SVEP1: variants seen among roughly 807,000 people sequenced by gnomAD.
SVEP1 encodes the protein sushi, von Willebrand factor type A, EGF and pentraxin domain-containing protein 1.
Under a neutral mutation model 367.3 loss-of-function variants are expected in SVEP1, and 164 were observed. That is an observed-to-expected ratio of 0.45 (90% CI 0.39 to 0.51). The LOEUF (loss-of-function observed/expected upper bound fraction) is 0.51. Ranked by LOEUF, SVEP1 falls within the 20% of genes least tolerant of loss-of-function variation. The pLI is 0.00. For synonymous variants in SVEP1, 1,666 were observed against 1,611.6 expected, an observed-to-expected ratio of 1.03 and a Z score of -0.81; for missense variants, 4,117 against 4,425.3, an observed-to-expected ratio of 0.93 and a Z score of 1.98.
intron 3 of SVEP1, among the ~76,000 whole-genome samples, chr9:110,518,362 C>T (rs925315821): frequency 1.3e-5 from 2 of 150,816 alleles, no homozygotes; most frequent in Admixed American, 6.6e-5. Context: ...ACGGAGGTTG[C>T]AGTGAGCCAT....
intron 11 of SVEP1, 104 bp from the exon 12 acceptor site, chr9:110,481,540 G>A (rs3818766): frequency 0.17 from 127,145 of 739,998 alleles, 12,835 homozygotes; most frequent in East Asian, 0.45. Flanking sequence ...CCTGTCTATC[G>A]CTATTTCTAG....
At chr9:110,575,684 T>C (rs139972629) in intron 1 of SVEP1, among the ~76,000 whole-genome samples, 41 of 152,246 alleles carry the variant, frequency 2.7e-4, no homozygotes, top group African/African-American at 9.1e-4. Flanking sequence ...TGCCATCACC[T>C]TAAACAAAAT....
intron 46 of SVEP1, among the ~76,000 whole-genome samples, chr9:110,373,494 G>A (rs1021633219): frequency 6.6e-6 from 1 of 152,038 alleles, no homozygotes; most frequent in African/African-American, 2.4e-5. Context: ...GACAAGCTCT[G>A]GTGTTAGGAA....
intron 1 of SVEP1, among the ~76,000 whole-genome samples, chr9:110,571,356 G>A (rs1330664236): frequency 6.6e-6 from 1 of 152,076 alleles, no homozygotes; most frequent in Non-Finnish European, 1.5e-5. Context: ...TCCCCAATGA[G>A]ATCTATGTGG....
chr9:110,536,769 C>T (rs773790300), intron 3 of SVEP1, among the ~76,000 whole-genome samples: 7 of 151,862 alleles, frequency 4.6e-5, no homozygotes, highest in Non-Finnish European at 1.0e-4. Flanking sequence ...CATATGTATA[C>T]ATGTGCCATG....
chr9:110,484,283 A>C (rs1325699426), intron 9 of SVEP1, among the ~76,000 whole-genome samples: 1 of 152,158 alleles, frequency 6.6e-6, no homozygotes, highest in Non-Finnish European at 1.5e-5. Context: ...ATTCTAGATG[A>C]AGACAAAGAA....
At chr9:110,439,217 T>A (rs927292815) in intron 27 of SVEP1, among the ~76,000 whole-genome samples, 2 of 151,994 alleles carry the variant, frequency 1.3e-5, no homozygotes, top group Admixed American at 6.6e-5. Flanking sequence ...GACAAATGCC[T>A]GCATAAGAAG....
At chr9:110,489,947 G>A (rs374251833) in intron 8 of SVEP1, among the ~76,000 whole-genome samples, 168 bp from the exon 9 acceptor site, 2 of 152,262 alleles carry the variant, frequency 1.3e-5, no homozygotes, top group South Asian at 4.2e-4. Context: ...CTATTTACAT[G>A]ATTTATAGAA....
intron 1 of SVEP1, among the ~76,000 whole-genome samples, 180 bp downstream of exon 1, chr9:110,578,833 T>C (rs73657608): frequency 2.3e-3 from 344 of 152,194 alleles, no homozygotes; most frequent in African/African-American, 8.0e-3. Context: ...CATTATCCCA[T>C]TGGAACCTCC....
chr9:110,409,688 T>C (rs1828015235), intron 37 of SVEP1, among the ~76,000 whole-genome samples: 1 of 152,352 alleles, frequency 6.6e-6, no homozygotes, highest in South Asian at 2.1e-4. Context: ...TAAAATGTTT[T>C]TATGGGTATG....
chr9:110,559,614 C>T (rs1830399281), intron 1 of SVEP1, among the ~76,000 whole-genome samples: 1 of 151,898 alleles, frequency 6.6e-6, no homozygotes, highest in Non-Finnish European at 1.5e-5. Flanking sequence ...GGGAATACCA[C>T]CTGTCCTGGT....
intron 1 of SVEP1, among the ~76,000 whole-genome samples, chr9:110,575,340 G>A (rs1830614684): frequency 1.3e-5 from 2 of 152,156 alleles, no homozygotes; most frequent in Admixed American, 1.3e-4. Flanking sequence ...CATTCTCAGA[G>A]GCCCCGGGCA....
At chr9:110,394,220 CTCTG>C (rs1827719837) in intron 40 of SVEP1, among the ~76,000 whole-genome samples, 2 of 151,868 alleles carry the variant, frequency 1.3e-5, no homozygotes, top group Non-Finnish European at 2.9e-5. Context: ...GTTCTGCACC[CTCTG>C]CTGCTGATAC....
At chr9:110,569,080 G>A (rs544292310) in intron 1 of SVEP1, among the ~76,000 whole-genome samples, 16 of 151,584 alleles carry the variant, frequency 1.1e-4, no homozygotes, top group African/African-American at 3.4e-4. Context: ...GAGACAGAGT[G>A]AGACCCTGTC....
chr9:110,535,796 T>G (rs1452058437), intron 3 of SVEP1, among the ~76,000 whole-genome samples: 2 of 151,564 alleles, frequency 1.3e-5, no homozygotes, highest in African/African-American at 2.4e-5. Context: ...CATTCCTGGT[T>G]TTTTTGTACA....
At chr9:110,451,217 G>T in intron 23 of SVEP1, 72 bp downstream of exon 23, 2 of 1,211,212 alleles carry the variant, frequency 1.7e-6, no homozygotes, top group Non-Finnish European at 2.4e-6. Context: ...TAATATATAT[G>T]TTAAGAAATG....
intron 1 of SVEP1, among the ~76,000 whole-genome samples, chr9:110,552,215 A>G (rs1290614703): frequency 6.6e-6 from 1 of 151,718 alleles, no homozygotes; most frequent in Non-Finnish European, 1.5e-5. Context: ...TATTTGTAGT[A>G]GAAACAGGGT....
intron 3 of SVEP1, among the ~76,000 whole-genome samples, chr9:110,544,033 A>C (rs942990153): frequency 9.2e-5 from 14 of 152,024 alleles, no homozygotes; most frequent in African/African-American, 3.1e-4. Context: ...GGACCCAGGA[A>C]GGGGGTTTCT....
At chr9:110,394,572 C>G (rs574947434) in intron 40 of SVEP1, among the ~76,000 whole-genome samples, 119 of 152,184 alleles carry the variant, frequency 7.8e-4, no homozygotes, top group Non-Finnish European at 1.6e-3. Context: ...GGAGGAAGTT[C>G]AAACGAATGG....
Sources: allele counts gnomAD v4.1 joint callset (sites outside exome capture counted in the v4.1 genomes callset), GRCh38; gene constraint gnomAD v4.1.1; transcripts MANE v1.5; gene names NCBI Gene and HGNC (gene_info 2026-07-23, HGNC 2026-07-21).